The following CFAP221 variants were observed in gnomAD, a reference collection of about 807,000 sequenced individuals.
CFAP221 encodes cilia- and flagella-associated protein 221.
In CFAP221, 97 loss-of-function variants were observed where a neutral mutation model predicts 113.1. That is an observed-to-expected ratio of 0.86 (90% confidence interval 0.73 to 1.02). The LOEUF is 1.02. Ranked by LOEUF, CFAP221 falls within the 50% of genes least tolerant of loss-of-function variation. The probability of loss-of-function intolerance (pLI) is 0.00; values close to 1 mark genes in which losing one functional copy is unlikely to be tolerated. For missense variants in CFAP221, 1,025 were observed against 1,013.4 expected, an observed-to-expected ratio of 1.01 and a Z score of -0.16; for synonymous variants, 331 against 354.4, an observed-to-expected ratio of 0.93 and a Z score of 0.74.
At chr2:119,591,126 C>T (rs904192266) in intron 7 of CFAP221, among the ~76,000 whole-genome samples, 3 of 152,144 alleles carry the variant, frequency 2.0e-5, no homozygotes, top group Admixed American at 2.0e-4. Context: ...TAATGATAAA[C>T]TTCCAGGTCA....
chr2:119,657,941 T>A (rs1688492082), downstream of CFAP221, among the ~76,000 whole-genome samples: 1 of 152,254 alleles, frequency 6.6e-6, no homozygotes, highest in East Asian at 1.9e-4. Flanking sequence ...TTACTGGTGA[T>A]GTTTACCTTG....
chr2:119,602,561 T>C lies in CFAP221; in HGVS notation c.791+1184T>C, dbSNP rs1047007729. The C allele has an allele frequency of 3.2e-6, 3 of 934,572 alleles. No individual in the cohort carries two copies. In the African/African-American group the frequency reaches 5.4e-5, roughly 17 times the overall value. The allele number at this position is 934,572 out of a possible 1,614,324, so 57.9% of individuals were successfully genotyped here. A position where few individuals can be genotyped will look rare whatever the true frequency, so the allele number is the denominator to read the frequency against. ...AGCAACCTTATATCAAAATATGAAC[T>C]CACTCCATGATATCTTAGATATTTA... On this transcript the variant is annotated intron_variant, in intron 8 of 23. Coordinates refer to ENST00000413369, the MANE Select transcript of CFAP221 (RefSeq NM_001271049.2).
chr2:119,650,907 C>G (rs1195861710), intron 22 of CFAP221, among the ~76,000 whole-genome samples: 1 of 152,082 alleles, frequency 6.6e-6, no homozygotes. Context: ...GTAAAGTGTC[C>G]CTGTTTGTAA....
At chr2:119,609,327 A>C (rs1418086100) in intron 12 of CFAP221, among the ~76,000 whole-genome samples, 1 of 152,220 alleles carries the variant, frequency 6.6e-6, no homozygotes, top group East Asian at 1.9e-4. Flanking sequence ...CACATATTAT[A>C]TTAATTGGCT....
intron 6 of CFAP221, among the ~76,000 whole-genome samples, chr2:119,584,845 G>A (rs2104609791): frequency 6.6e-6 from 1 of 152,270 alleles, no homozygotes; most frequent in East Asian, 1.9e-4. Flanking sequence ...GCTAGTAAAG[G>A]TGTAAATTGG....
rs1297342145 is a variant in CFAP221, at chr2:119,636,515, G to A, written c.1975-1744G>A. Among the ~76,000 whole-genome samples the A allele has an allele frequency of 2.0e-5, 3 of 152,178 alleles. No homozygotes were observed. The East Asian group carries it at 5.8e-4, about 29-fold the overall frequency. On this transcript the variant is annotated intron_variant, in intron 19 of 23. Transcript: ENST00000413369. ...AAAATAGGAAAGAAGTTTGGAAGGG[G>A]CATTTGTGTACCTAAGCGAAGTCCT...
intron 23 of CFAP221, among the ~76,000 whole-genome samples, chr2:119,654,241 G>A (rs370373614): frequency 2.0e-5 from 3 of 152,038 alleles, no homozygotes; most frequent in African/African-American, 7.3e-5. Context: ...TGGAATTCCA[G>A]TAAGCATCTG....
intron 22 of CFAP221, among the ~76,000 whole-genome samples, chr2:119,647,854 T>C (rs1687904321): frequency 1.3e-5 from 2 of 152,192 alleles, no homozygotes; most frequent in Admixed American, 1.3e-4. Flanking sequence ...TAAGGTTGTA[T>C]ACAAACTCAT....
In CFAP221 at chr2:119,549,119, A is replaced by T; in HGVS notation, c.174A>T (p.Ile58=). Residue 58 remains isoleucine (I), a synonymous_variant, in exon 3 of 24, where the codon ATA becomes ATT. Coordinates refer to ENST00000413369, the MANE Select transcript of CFAP221 (RefSeq NM_001271049.2). ...VYAKLVNNKV[I]QARPGIIHFG... is the part of the protein sequence containing the mutation. Reference sequence around the variant, plus strand: ...CAAAACTTGTGAATAATAAGGTCATACAGGCAAGACCTGGCATAATACATT... The same window carrying T: ...CAAAACTTGTGAATAATAAGGTCATTCAGGCAAGACCTGGCATAATACATT... 2 of 1,534,570 alleles carry T rather than the reference A, an allele frequency of 1.3e-6. No homozygotes were observed. Among genetic ancestry groups the T allele is most frequent in the Non-Finnish European group, 1.7e-6 (2 of 1,146,436 alleles).
intron 14 of CFAP221, among the ~76,000 whole-genome samples, chr2:119,620,683 A>G (rs1015791651): frequency 6.6e-6 from 1 of 152,192 alleles, no homozygotes; most frequent in Non-Finnish European, 1.5e-5. Context: ...AACTGCATCA[A>G]TTAATGGGCA....
chr2:119,586,992 A>G, intron 6 of CFAP221, 127 bp from the exon 7 acceptor site: 1 of 608,010 alleles, frequency 1.6e-6, no homozygotes, highest in Non-Finnish European at 2.7e-6. Flanking sequence ...GGCACACAGG[A>G]AGTGCCAGAT....
At chr2:119,591,936 AAGAAATG>A (rs1683627008) in intron 7 of CFAP221, among the ~76,000 whole-genome samples, 1 of 152,254 alleles carries the variant, frequency 6.6e-6, no homozygotes, top group African/African-American at 2.4e-5. Flanking sequence ...TAAAGTATAG[AAGAAATG>A]AGGTTCAGCA....
chr2:119,586,103 G>A (rs1331905626), intron 6 of CFAP221, among the ~76,000 whole-genome samples: 1 of 152,170 alleles, frequency 6.6e-6, no homozygotes, highest in Non-Finnish European at 1.5e-5. Context: ...GGAGGGCTGT[G>A]ATGGGGTGAG....
At chr2:119,620,102 A>T (rs1685799805) in intron 14 of CFAP221, among the ~76,000 whole-genome samples, 1 of 152,222 alleles carries the variant, frequency 6.6e-6, no homozygotes, top group South Asian at 2.1e-4. Flanking sequence ...GAAAAGACCA[A>T]ACCTACGTTT....
At chr2:119,614,818 C>A (rs1333162210) in intron 13 of CFAP221, among the ~76,000 whole-genome samples, 11 of 152,226 alleles carry the variant, frequency 7.2e-5, no homozygotes, top group Non-Finnish European at 1.6e-4. Flanking sequence ...TCTCACTTTT[C>A]TTTGCTAGGT....
At chr2:119,653,512 AATT>A (rs1473802882) in intron 23 of CFAP221, among the ~76,000 whole-genome samples, 7 of 152,188 alleles carry the variant, frequency 4.6e-5, no homozygotes, top group Admixed American at 1.3e-4. Flanking sequence ...TATACATATG[AATT>A]ATTATATTTC....
chr2:119,638,260 A>G lies in CFAP221; in HGVS notation c.1976A>G (p.Asn659Ser), dbSNP rs1404961390. Residue 659 changes from asparagine (N) to serine (S), a missense_variant and splice_region_variant, in exon 20 of 24, where the codon AAT becomes AGT. Physicochemically the swap from Asn to Ser is conservative, Grantham distance 46. Coordinates refer to ENST00000413369, the MANE Select transcript of CFAP221 (RefSeq NM_001271049.2). ...ATATTTTTTCCCTGTCTTCGGCAGA[A>G]TCCCAACCCAGGATTATTTGCTGTA... ...SLDYDPLYVF[N>S]PNPGLFAVMH... The G allele has an allele frequency of 1.9e-6, 3 of 1,614,082 alleles. No individual in the cohort carries two copies. The highest frequency in any genetic ancestry group is 2.5e-6 in the Non-Finnish European group (3 of 1,179,950).
At chr2:119,560,970 A>G (rs1350016062) in intron 5 of CFAP221, among the ~76,000 whole-genome samples, 2 of 151,922 alleles carry the variant, frequency 1.3e-5, no homozygotes, top group Non-Finnish European at 2.9e-5. Flanking sequence ...ATGATAGACC[A>G]TTATTATTTT....
At chr2:119,644,296 A>G (rs965695453) in intron 21 of CFAP221, among the ~76,000 whole-genome samples, 11 of 152,248 alleles carry the variant, frequency 7.2e-5, no homozygotes, top group African/African-American at 2.4e-4. Context: ...AACTGGTCTC[A>G]GAATTTAAAA....
Sources: allele counts gnomAD v4.1 joint callset (sites outside exome capture counted in the v4.1 genomes callset), GRCh38; gene constraint gnomAD v4.1.1; transcripts MANE v1.5; gene names NCBI Gene and HGNC (gene_info 2026-07-23, HGNC 2026-07-21).